The following GFPT1 variants were observed in gnomAD, a reference collection of about 807,000 sequenced individuals.
GFPT1 encodes glutamine--fructose-6-phosphate transaminase 1, also known as glutamine--fructose-6-phosphate aminotransferase [isomerizing] 1.
GFPT1 carries 40 observed loss-of-function variants against 92.0 expected under a neutral mutation model. That is an observed-to-expected ratio of 0.43 (90% CI 0.34 to 0.57). The LOEUF is 0.57. Among genes scored for constraint, GFPT1 ranks in the 20% least tolerant of loss-of-function variants. The probability of loss-of-function intolerance (pLI) is 0.02; values close to 1 mark genes in which losing one functional copy is unlikely to be tolerated. For synonymous variants in GFPT1, 269 were observed against 280.6 expected, an observed-to-expected ratio of 0.96 and a Z score of 0.41; for missense variants, 448 against 869.1, an observed-to-expected ratio of 0.52 and a Z score of 6.09.
chr2:69,356,623 T>C (rs1671345202), intron 6 of GFPT1, 66 bp from the exon 7 acceptor site: 3 of 1,147,934 alleles, frequency 2.6e-6, no homozygotes, highest in South Asian at 1.2e-5. Context: ...GCCTAGAACA[T>C]ACTGGCTTCA....
Position 69,329,778 on chromosome 2 carries a change from T to C in GFPT1, c.1503A>G (p.Val501=). Residue 501 remains valine (V), a synonymous_variant, in exon 16 of 20, where the codon GTA becomes GTG. Coordinates refer to ENST00000357308, the MANE Select transcript of GFPT1 (RefSeq NM_001244710.2). ...TCATAAGGGCAAACATCACAAGGGA[T>C]ACAAACTGGCTGGTATAAGCCTGAA... The part of the protein sequence containing the change: ...ASTKAYTSQF[V]SLVMFALMMC... The C allele has an allele frequency of 6.2e-7, 1 of 1,605,614 alleles. No individual in the cohort carries two copies. Among genetic ancestry groups the C allele is most frequent in the Non-Finnish European group, 8.5e-7 (1 of 1,172,102 alleles).
chr2:69,328,542 T>C (rs1670585286), intron 17 of GFPT1, 104 bp from the exon 18 acceptor site: 1 of 772,266 alleles, frequency 1.3e-6, no homozygotes, highest in East Asian at 2.6e-5. Flanking sequence ...TGTCTATCTA[T>C]CCAAAAGTAT....
At chr2:69,339,139 A>G (rs1670874239) in intron 13 of GFPT1, among the ~76,000 whole-genome samples, 2 of 152,204 alleles carry the variant, frequency 1.3e-5, no homozygotes, top group African/African-American at 4.8e-5. Context: ...TGAGAAGTGG[A>G]AAGAGCATGG....
chr2:69,336,352 AAAAAGAAAAAG>A (rs1318729822), intron 15 of GFPT1, among the ~76,000 whole-genome samples: 1 of 149,714 alleles, frequency 6.7e-6, no homozygotes, highest in Non-Finnish European at 1.5e-5. Context: ...AAAAAAAAAA[AAAAAGAAAAAG>A]AAAAAGAAAA....
intron 1 of GFPT1, among the ~76,000 whole-genome samples, chr2:69,382,071 C>A (rs1034121939): frequency 1.3e-5 from 2 of 151,946 alleles, no homozygotes; most frequent in African/African-American, 4.8e-5. Context: ...GCTATGTTGG[C>A]CAGGCTGGTC....
At chr2:69,359,413 G>A in intron 4 of GFPT1, 87 bp from the exon 5 acceptor site, 1 of 765,682 alleles carries the variant, frequency 1.3e-6, no homozygotes, top group Non-Finnish European at 2.3e-6. Context: ...TTTTTCTCAA[G>A]TCAAAAATTT....
At chr2:69,357,486 T>C (rs1671366354) in intron 6 of GFPT1, among the ~76,000 whole-genome samples, 2 of 152,202 alleles carry the variant, frequency 1.3e-5, no homozygotes, top group South Asian at 4.1e-4. Flanking sequence ...AGGCAAAGCC[T>C]GTTAGAAACG....
At chr2:69,332,468 C>A (rs762099641) in intron 15 of GFPT1, among the ~76,000 whole-genome samples, 6 of 151,918 alleles carry the variant, frequency 3.9e-5, no homozygotes, top group Admixed American at 6.6e-5. Flanking sequence ...CGCCCGCCAC[C>A]ATGCCCGGCT....
chr2:69,385,531 T>G (rs547956591), intron 1 of GFPT1, among the ~76,000 whole-genome samples: 2 of 84,298 alleles, frequency 2.4e-5, no homozygotes, highest in Middle Eastern at 5.3e-3. Flanking sequence ...AGCGCTGATT[T>G]ATTTATTTAT....
At chr2:69,373,216 G>A (rs1319063888) in intron 2 of GFPT1, among the ~76,000 whole-genome samples, 2 of 152,156 alleles carry the variant, frequency 1.3e-5, no homozygotes, top group African/African-American at 4.8e-5. Flanking sequence ...AGTCCTCCTA[G>A]GGAATCGTCA....
chr2:69,364,384 A>C (rs1671556690), intron 3 of GFPT1, among the ~76,000 whole-genome samples: 1 of 152,198 alleles, frequency 6.6e-6, no homozygotes, highest in Non-Finnish European at 1.5e-5. Context: ...CTATTCTTTC[A>C]AGTTTCCTGG....
chr2:69,337,780 T>A (rs1670836642), intron 15 of GFPT1, 118 bp downstream of exon 15: 1 of 859,182 alleles, frequency 1.2e-6, no homozygotes, highest in Non-Finnish European at 2.0e-6. Flanking sequence ...CTAACAAAAA[T>A]AAAATGTGTG....
At position 69,383,788 on chromosome 2, in the gene GFPT1, G is replaced by T. The variant is rs538667656; in HGVS notation, c.7+3277C>A. Reference sequence around the variant, plus strand: ...TTACAGGCATGCGCCACTACGCCCGGCTAATTTTTTTGGATTTTTAGTAGA... The same window carrying T: ...TTACAGGCATGCGCCACTACGCCCGTCTAATTTTTTTGGATTTTTAGTAGA... On this transcript the variant is annotated intron_variant, in intron 1 of 19. Coordinates refer to ENST00000357308, the MANE Select transcript of GFPT1 (RefSeq NM_001244710.2). Among the ~76,000 whole-genome samples the T allele has an allele frequency of 2.6e-5, 4 of 152,180 alleles. No homozygotes were observed. In the South Asian group the frequency reaches 6.2e-4, roughly 24 times the overall value.
intron 7 of GFPT1, among the ~76,000 whole-genome samples, chr2:69,355,371 C>T (rs13411452): frequency 5.3e-5 from 8 of 151,554 alleles, no homozygotes; most frequent in African/African-American, 1.7e-4. Context: ...AGTCACCACG[C>T]CCAGCCTAAT....
At chr2:69,384,707 A>G (rs1211431589) in intron 1 of GFPT1, among the ~76,000 whole-genome samples, 3 of 151,010 alleles carry the variant, frequency 2.0e-5, no homozygotes, top group Non-Finnish European at 3.0e-5. Flanking sequence ...AAAAAAAAAA[A>G]AAAAAGAAAA....
chr2:69,337,863 TAAA>T, intron 15 of GFPT1, 32 bp downstream of exon 15: 1 of 1,574,624 alleles, frequency 6.4e-7, no homozygotes, highest in Non-Finnish European at 8.7e-7. Flanking sequence ...ACACTATGAT[TAAA>T]TAATCATCAG....
At chr2:69,345,730 T>G (rs1671065835) in intron 12 of GFPT1, among the ~76,000 whole-genome samples, 174 bp downstream of exon 12, 1 of 152,208 alleles carries the variant, frequency 6.6e-6, no homozygotes, top group East Asian at 1.9e-4. Flanking sequence ...CTAGATATCT[T>G]ATATAGGTAG....
intron 5 of GFPT1, 68 bp from the exon 6 acceptor site, chr2:69,358,531 A>C: frequency 9.1e-7 from 1 of 1,104,820 alleles, no homozygotes; most frequent in Non-Finnish European, 1.3e-6. Flanking sequence ...TTTTCTACAG[A>C]ATTGTTCCGT....
At chr2:69,368,621 CG>C (rs1205054679) in intron 3 of GFPT1, among the ~76,000 whole-genome samples, 1 of 151,882 alleles carries the variant, frequency 6.6e-6, no homozygotes. Flanking sequence ...CCCAGCCACT[CG>C]GGAGTCTGAA....
Sources: allele counts gnomAD v4.1 joint callset (sites outside exome capture counted in the v4.1 genomes callset), GRCh38; gene constraint gnomAD v4.1.1; transcripts MANE v1.5; gene names NCBI Gene and HGNC (gene_info 2026-07-23, HGNC 2026-07-21).